Variants in MXI1 observed in about 807,000 individuals in gnomAD.
MXI1 encodes max-interacting protein 1.
A neutral mutation model predicts 36.9 loss-of-function variants in MXI1; 18 were observed. The ratio of observed to expected loss-of-function variants is 0.49; its 90% CI spans 0.34 to 0.72. The LOEUF (loss-of-function observed/expected upper bound fraction) is 0.72. Among genes scored for constraint, MXI1 ranks in the 30% least tolerant of loss-of-function variants. The probability of loss-of-function intolerance (pLI) is 0.01; values close to 1 mark genes in which losing one functional copy is unlikely to be tolerated. For missense variants in MXI1, 304 were observed against 379.1 expected (o/e 0.80, Z 1.64); for synonymous variants, 160 against 146.7 (o/e 1.09, Z -0.65).
chr10:110,283,062 G>C (rs1048462945), intron 5 of MXI1, among the ~76,000 whole-genome samples: 2 of 152,128 alleles, frequency 1.3e-5, no homozygotes, highest in African/African-American at 4.8e-5. Context: ...GGTTGGATGA[G>C]TGTTCAGTGG....
At chr10:110,270,075 T>A (rs1856807555) in intron 3 of MXI1, among the ~76,000 whole-genome samples, 1 of 152,234 alleles carries the variant, frequency 6.6e-6, no homozygotes, top group Non-Finnish European at 1.5e-5. Context: ...CTGATCTCTC[T>A]AGAGAGGAGT....
At position 110,207,890 on chromosome 10, in the gene MXI1, C is replaced by T. The variant is rs763497740; in HGVS notation, c.82C>T (p.Pro28Ser). The change falls in exon 1 of 6, where the codon CCC (proline) becomes TCC (serine). Residue 28 changes from proline (P) to serine (S), a missense_variant. Transcript: ENST00000332674. ...LAPAAPPAVPPAVAAPQPPAL... is the reference protein window; with the variant it reads ...LAPAAPPAVPSAVAAPQPPAL... ...CCCCGCCGCGCCCCCGGCTGTGCCC[C>T]CCGCCGTGGCCGCGCCCCAGCCCCC... 57 of 1,363,516 alleles carry T rather than the reference C, an allele frequency of 4.2e-5. No homozygotes were observed. The African/African-American group carries it at 7.3e-4, about 17-fold the overall frequency. The allele number at this position is 1,363,516 out of a possible 1,614,324, so 84.5% of individuals were successfully genotyped here. A position where few individuals can be genotyped will look rare whatever the true frequency, so the allele number is the denominator to read the frequency against.
At chr10:110,240,498 T>C (rs1276428772) in intron 2 of MXI1, among the ~76,000 whole-genome samples, 3 of 152,052 alleles carry the variant, frequency 2.0e-5, no homozygotes, top group African/African-American at 4.8e-5. Flanking sequence ...AGTATTCAAA[T>C]TTTACTGTTT....
At chr10:110,268,624 A>G (rs1856759314) in intron 3 of MXI1, among the ~76,000 whole-genome samples, 1 of 152,132 alleles carries the variant, frequency 6.6e-6, no homozygotes, top group African/African-American at 2.4e-5. Context: ...GTGCCCTACT[A>G]TATATAACAC....
rs1367635994 is a variant in MXI1, at chr10:110,280,044, T to C, written c.683T>C (p.Ile228Thr). Residue 228 changes from isoleucine (I) to threonine (T), a missense_variant, in exon 5 of 6, where the codon ATT becomes ACT. By Grantham distance (89) the Ile-to-Thr change is moderately conservative. This residue lies in a region of MXI1 where 125 missense variants were observed against 194.3 expected (regional missense o/e 0.64). Coordinates refer to ENST00000332674, the MANE Select transcript of MXI1 (RefSeq NM_130439.3). ...ATGGAACGAATACGAATGGACAGCA[T>C]TGGATCAACTATTTCTTCAGATCGT... Reference protein sequence around the residue: ...QEMERIRMDSIGSTISSDRSD... With the variant: ...QEMERIRMDSTGSTISSDRSD... 3.1e-6 allele frequency: 5 copies of C among 1,598,970 alleles called. No homozygotes were observed. Among genetic ancestry groups the C allele is most frequent in the South Asian group, 1.1e-5 (1 of 89,190 alleles).
intron 3 of MXI1, among the ~76,000 whole-genome samples, chr10:110,251,678 A>T (rs1051827067): frequency 2.0e-5 from 3 of 152,198 alleles, no homozygotes; most frequent in African/African-American, 7.2e-5. Flanking sequence ...TGTGGGTCAT[A>T]GTCAAAACCT....
chr10:110,234,759 T>C (rs1442331120), intron 2 of MXI1, among the ~76,000 whole-genome samples: 8 of 152,174 alleles, frequency 5.3e-5, no homozygotes, highest in Admixed American at 5.2e-4. Flanking sequence ...TAATTAGTTG[T>C]TTACCTTAAT....
intron 1 of MXI1, chr10:110,225,931 C>A: frequency 1.2e-6 from 1 of 826,214 alleles, no homozygotes; most frequent in Non-Finnish European, 1.5e-6. Context: ...GGGGCAGAGG[C>A]AGGGGCGGGA....
At chr10:110,267,369 C>A (rs772404434) in intron 3 of MXI1, among the ~76,000 whole-genome samples, 32 of 152,138 alleles carry the variant, frequency 2.1e-4, no homozygotes, top group African/African-American at 7.7e-4. Context: ...TCTTGGAGGA[C>A]AGCCATCATA....
chr10:110,227,469 TTGGAGAGAGGGCGGTCTGGGGC>T (rs1855091204), intron 1 of MXI1: 1 of 985,330 alleles, frequency 1.0e-6, no homozygotes, highest in Non-Finnish European at 1.2e-6. Flanking sequence ...TGGAGGGAAG[TTGGAGAGAGGGCGGTCTGGGGC>T]TGGAGAGAGG....
At chr10:110,266,396 C>A (rs1164732340) in intron 3 of MXI1, among the ~76,000 whole-genome samples, 2 of 152,200 alleles carry the variant, frequency 1.3e-5, no homozygotes, top group Admixed American at 1.3e-4. Context: ...GTGTGAGCCA[C>A]CGTGCCTGGC....
intron 3 of MXI1, among the ~76,000 whole-genome samples, chr10:110,266,272 T>G (rs1856675317): frequency 6.6e-6 from 1 of 152,110 alleles, no homozygotes; most frequent in Non-Finnish European, 1.5e-5. Flanking sequence ...CATGCCCAGC[T>G]AATTTTTTTG....
intron 1 of MXI1, 152 bp from the exon 2 acceptor site, chr10:110,228,037 G>C: frequency 1.3e-6 from 1 of 787,820 alleles, no homozygotes; most frequent in Non-Finnish European, 2.0e-6. Flanking sequence ...GTCCAGGCGA[G>C]GGACATTAAT....
intron 3 of MXI1, among the ~76,000 whole-genome samples, chr10:110,265,918 CT>C (rs1342020615): frequency 1.3e-5 from 2 of 152,170 alleles, no homozygotes; most frequent in Non-Finnish European, 2.9e-5. Flanking sequence ...ATCTGAGTCT[CT>C]TTTGCTCTTT....
chr10:110,209,818 C>T (rs1407837762), intron 1 of MXI1, among the ~76,000 whole-genome samples: 2 of 152,148 alleles, frequency 1.3e-5, no homozygotes, highest in African/African-American at 4.8e-5. Flanking sequence ...ACCCCCATCC[C>T]CGGCTACCAG....
intron 2 of MXI1, among the ~76,000 whole-genome samples, chr10:110,230,453 C>T (rs1180841155): frequency 1.3e-5 from 2 of 151,960 alleles, no homozygotes; most frequent in African/African-American, 4.8e-5. Context: ...CCACCTAAAA[C>T]AGGAGAAGAT....
Position 110,228,580 on chromosome 10 carries a change from T to C in MXI1, c.407+259T>C, listed in dbSNP as rs139281042. Among the ~76,000 whole-genome samples, 548 of 152,310 alleles carry C rather than the reference T, an allele frequency of 3.6e-3. 2 individuals carry two copies. Among genetic ancestry groups the C allele is most frequent in the African/African-American group, 0.012 (510 of 41,568 alleles). ...TGCCAAGTTGAGAGACTTGGCAGCA[T>C]GTGTCCATGCATGCAGCCACCTGCT... On this transcript the variant is annotated intron_variant, in intron 2 of 5. Coordinates refer to ENST00000332674, the MANE Select transcript of MXI1 (RefSeq NM_130439.3).
chr10:110,254,159 A>C (rs1473263430), intron 3 of MXI1, among the ~76,000 whole-genome samples: 1 of 152,174 alleles, frequency 6.6e-6, no homozygotes, highest in East Asian at 1.9e-4. Flanking sequence ...CAAGCAGGTC[A>C]ATTTCTAATC....
chr10:110,226,174 G>T, intron 1 of MXI1: 1 of 1,450,546 alleles, frequency 6.9e-7, no homozygotes, highest in Middle Eastern at 2.0e-4. Context: ...CCCGAGAAGG[G>T]AGTGCGGAGA....
Sources: gnomAD v4.1 joint callset for allele counts (sites outside exome capture counted in the v4.1 genomes callset) on GRCh38, gnomAD v4.1.1 for gene constraint, gnomAD v4.1.1 regional missense constraint, MANE v1.5 for transcripts, NCBI Gene and HGNC (gene_info 2026-07-23, HGNC 2026-07-21) for gene names.